BST1: variants seen among roughly 807,000 people sequenced by gnomAD.
BST1 encodes the protein ADP-ribosyl cyclase/cyclic ADP-ribose hydrolase 2.
In BST1, 49 loss-of-function variants were observed where a neutral mutation model predicts 40.6. That is an observed-to-expected ratio of 1.21 (90% CI 0.96 to 1.53). BST1 has a LOEUF of 1.53. Among genes scored for constraint, BST1 ranks in the 40% most tolerant of loss-of-function variants. The pLI, the probability that BST1 is intolerant of heterozygous loss-of-function variation, is 0.00. For missense variants in BST1, 423 were observed against 395.9 expected (o/e 1.07, Z -0.58); for synonymous variants, 157 against 159.3 (o/e 0.99, Z 0.11).
At chr4:15,765,495 C>T in the BST1 span, among the ~76,000 whole-genome samples, 3 of 152,056 alleles carry the variant, frequency 2.0e-5, no homozygotes, top group East Asian at 5.8e-4. Context: ...TGACAAAACA[C>T]GTCGGGACAT....
At position 15,703,336 on chromosome 4, in the gene BST1, A is replaced by G; in HGVS notation, c.188+4A>G. 1 of 1,409,838 alleles carries G rather than the reference A, an allele frequency of 7.1e-7. No homozygotes were observed. The highest frequency in any genetic ancestry group is 3.2e-5 in the East Asian group (1 of 31,142). The allele number at this position is 1,409,838 out of a possible 1,614,324, so 87.3% of individuals were successfully genotyped here. A position where few individuals can be genotyped will look rare whatever the true frequency, so the allele number is the denominator to read the frequency against. ...CACTGCTGAGTCCCGAGCAGCGGTGAGGCAGTCGGCCGGGTGGAAGGGGAG... is the reference window on the plus strand; with the variant it reads ...CACTGCTGAGTCCCGAGCAGCGGTGGGGCAGTCGGCCGGGTGGAAGGGGAG... On this transcript the variant is annotated splice_donor_region_variant and intron_variant, in intron 1 of 8. Coordinates refer to ENST00000265016, the MANE Select transcript of BST1 (RefSeq NM_004334.3).
chr4:15,742,661 T>C (rs1398224517), downstream of BST1, among the ~76,000 whole-genome samples: 1 of 152,224 alleles, frequency 6.6e-6, no homozygotes, highest in African/African-American at 2.4e-5. Context: ...AGGGAGTTCA[T>C]TTGGGAGGTA....
At chr4:15,744,089 C>T in the BST1 span, among the ~76,000 whole-genome samples, 1 of 152,144 alleles carries the variant, frequency 6.6e-6, no homozygotes, top group African/African-American at 2.4e-5. Context: ...CCTTCTGGGC[C>T]TCTGTGTAGT....
At chr4:15,744,246 A>C in the BST1 span, among the ~76,000 whole-genome samples, 1 of 152,194 alleles carries the variant, frequency 6.6e-6, no homozygotes, top group Admixed American at 6.5e-5. Flanking sequence ...ACTGCTATAA[A>C]GAGCAGCTCG....
chr4:15,709,114 T>C (rs575100258), intron 3 of BST1, among the ~76,000 whole-genome samples: 1 of 152,226 alleles, frequency 6.6e-6, no homozygotes, highest in African/African-American at 2.4e-5. Context: ...TTATAAGGGC[T>C]ATGGAGAAAA....
chr4:15,704,743 G>T (rs544632470), intron 1 of BST1, among the ~76,000 whole-genome samples: 1 of 152,274 alleles, frequency 6.6e-6, no homozygotes, highest in South Asian at 2.1e-4. Flanking sequence ...AATTCCTTGA[G>T]TCCAGTCCTT....
chr4:15,725,114 C>T (rs1312846355), intron 8 of BST1, among the ~76,000 whole-genome samples: 1 of 146,868 alleles, frequency 6.8e-6, no homozygotes, highest in Non-Finnish European at 1.5e-5. Context: ...GTCATTTAGA[C>T]AGAAGCCAGA....
chr4:15,706,696 G>A (rs888117581), intron 2 of BST1, among the ~76,000 whole-genome samples: 3 of 152,206 alleles, frequency 2.0e-5, no homozygotes, highest in African/African-American at 7.2e-5. Context: ...AGAATAGACT[G>A]AAAACATGAT....
the BST1 span, among the ~76,000 whole-genome samples, chr4:15,757,000 G>C: frequency 6.6e-6 from 1 of 152,176 alleles, no homozygotes; most frequent in African/African-American, 2.4e-5. Context: ...TAAGTTTCTT[G>C]TAAAAGAAAT....
the BST1 span, among the ~76,000 whole-genome samples, chr4:15,768,285 G>A: frequency 6.6e-6 from 1 of 152,136 alleles, no homozygotes. Context: ...GTTAAACAAT[G>A]CGCTAAATGT....
the BST1 span, among the ~76,000 whole-genome samples, chr4:15,770,318 C>T: frequency 2.6e-5 from 4 of 152,276 alleles, no homozygotes; most frequent in East Asian, 5.8e-4. Flanking sequence ...TTCTCCCCGC[C>T]GTTCTGTTTA....
At position 15,711,872 on chromosome 4, in the gene BST1, A is replaced by G. The variant is rs1198158114; in HGVS notation, c.517A>G (p.Lys173Glu). ...AAATAATCCTGTGGATTCCTTTTGG[A>G]AAAGGGCATCCATCCAGGTAATGCT... is the stretch of plus-strand genomic sequence containing the variant. The part of the protein sequence containing the change: ...CENNPVDSFW[K>E]RASIQYSKDS... The change falls in exon 4 of 9, where the codon AAA becomes GAA. Residue 173 changes from lysine to glutamate, a missense_variant. Lys to Glu is a moderately conservative substitution (Grantham distance 56). Transcript: ENST00000265016. The G allele has an allele frequency of 8.1e-6, 13 of 1,613,748 alleles. No individual in the cohort carries two copies. The highest frequency in any genetic ancestry group is 1.1e-5 in the Non-Finnish European group (13 of 1,179,708).
chr4:15,754,204 C>T, the BST1 span, among the ~76,000 whole-genome samples: 1 of 152,136 alleles, frequency 6.6e-6, no homozygotes, highest in Non-Finnish European at 1.5e-5. Context: ...ATAATCCCCA[C>T]GAAGACCCCC....
the BST1 span, among the ~76,000 whole-genome samples, chr4:15,748,157 C>T: frequency 1.3e-5 from 2 of 152,234 alleles, no homozygotes; most frequent in South Asian, 2.1e-4. Context: ...CCACCATTAT[C>T]AGTCCAACAC....
At chr4:15,741,302 G>C (rs989895141), downstream of BST1, among the ~76,000 whole-genome samples, 1 of 152,126 alleles carries the variant, frequency 6.6e-6, no homozygotes, top group Non-Finnish European at 1.5e-5. Flanking sequence ...GAGTAACCTT[G>C]TCCAGGAGTA....
chr4:15,737,602 C>T (rs915141146), downstream of BST1, among the ~76,000 whole-genome samples: 1 of 151,382 alleles, frequency 6.6e-6, no homozygotes, highest in Non-Finnish European at 1.5e-5. Flanking sequence ...AGTGAATGAA[C>T]AATGCTAAGC....
In BST1 at chr4:15,710,566, C is replaced by T. The variant is rs188427371; in HGVS notation, c.452-1241C>T. 2.4e-3 allele frequency among the ~76,000 whole-genome samples: 369 copies of T among 152,200 alleles called. 2 individuals are homozygous for T. Among genetic ancestry groups the T allele is most frequent in the African/African-American group, 8.5e-3 (354 of 41,526 alleles). ...ATGTAACTGTAATATTGTTGACCAA[C>T]CTCTTCCCATCTCCCTTATCCATTC... On this transcript the variant is annotated intron_variant, in intron 3 of 8. Transcript: ENST00000265016.
chr4:15,751,873 G>C, the BST1 span, among the ~76,000 whole-genome samples: 2 of 152,020 alleles, frequency 1.3e-5, no homozygotes, highest in African/African-American at 4.8e-5. Flanking sequence ...ACAGCACACA[G>C]AATCCAGCAC....
chr4:15,773,223 T>C, the BST1 span, among the ~76,000 whole-genome samples: 1 of 152,196 alleles, frequency 6.6e-6, no homozygotes, highest in Non-Finnish European at 1.5e-5. Context: ...CTGTCGTTCA[T>C]GTGGATATGT....
Sources: allele counts gnomAD v4.1 joint callset (sites outside exome capture counted in the v4.1 genomes callset), GRCh38; gene constraint gnomAD v4.1.1; transcripts MANE v1.5; gene names NCBI Gene and HGNC (gene_info 2026-07-23, HGNC 2026-07-21).